The following ATP1A2 variants were observed in gnomAD, a reference collection of about 807,000 sequenced individuals.
The protein encoded by ATP1A2 is sodium/potassium-transporting ATPase subunit alpha-2.
Under a neutral mutation model 113.1 loss-of-function variants are expected in ATP1A2, and 56 were observed. The observed-to-expected ratio is 0.49, with a 90% CI of 0.40 to 0.62. The LOEUF (loss-of-function observed/expected upper bound fraction) is 0.62, where lower values mean the gene tolerates loss of function less well. ATP1A2 is among the 20% of genes least tolerant of loss of function. ATP1A2 has a pLI of 0.00. For missense variants in ATP1A2, 712 were observed against 1,357.8 expected, an observed-to-expected ratio of 0.52 and a Z score of 7.47; for synonymous variants, 490 against 526.8, an observed-to-expected ratio of 0.93 and a Z score of 0.96.
At chr1:160,140,932 G>T (rs906674449) in intron 22 of ATP1A2, among the ~76,000 whole-genome samples, 1 of 137,406 alleles carries the variant, frequency 7.3e-6, no homozygotes, top group Admixed American at 8.5e-5. Context: ...GCACGATCTC[G>T]GCTCACTGCA....
intron 1 of ATP1A2, 51 bp from the exon 2 acceptor site, chr1:160,120,854 AG>A (rs1385454206): frequency 1.3e-6 from 2 of 1,532,670 alleles, no homozygotes; most frequent in Non-Finnish European, 1.8e-6. Flanking sequence ...GTGGGAATGG[AG>A]GCCCCAGCCC....
chr1:160,122,018 C>T (rs1005339740), intron 3 of ATP1A2, among the ~76,000 whole-genome samples: 4 of 152,086 alleles, frequency 2.6e-5, no homozygotes, highest in African/African-American at 9.7e-5. Context: ...TGTAATCCCA[C>T]CTACTCGAGA....
chr1:160,134,190 C>T, intron 13 of ATP1A2, among the ~76,000 whole-genome samples: 1 of 146,098 alleles, frequency 6.8e-6, no homozygotes, highest in South Asian at 2.2e-4. Context: ...TTCCCTCTCA[C>T]ACACACACAC....
intron 4 of ATP1A2, 60 bp from the exon 5 acceptor site, chr1:160,123,883 C>A: frequency 6.7e-7 from 1 of 1,495,014 alleles, no homozygotes; most frequent in South Asian, 1.1e-5. Context: ...TCCCAAGTGG[C>A]AGCTGCCCCT....
In ATP1A2 at chr1:160,139,750, C is replaced by T. The variant is rs1652072843; in HGVS notation, c.2942+9C>T. The T allele has an allele frequency of 6.2e-7, 1 of 1,614,094 alleles. No individual in the cohort carries two copies. Among genetic ancestry groups the T allele is most frequent in the Admixed American group, 1.7e-5 (1 of 60,010 alleles). ...CGCATGTACCCGCTCAAGTGAGTGTCTCTTTCGGGCGGCCTGAGTAGTCAT... is the reference window on the plus strand; with the variant it reads ...CGCATGTACCCGCTCAAGTGAGTGTTTCTTTCGGGCGGCCTGAGTAGTCAT... On this transcript the variant is annotated intron_variant, in intron 21 of 22. Transcript: ENST00000361216.
rs2102000064 is a variant in ATP1A2, at chr1:160,141,339, A to G, written c.*17A>G. 2.5e-6 allele frequency: 4 copies of G among 1,613,940 alleles called. No homozygotes were observed. The Admixed American group carries it at 5.0e-5, about 20-fold the overall frequency. ...TACTACTGACCCCATTGGAAGAAGA[A>G]CCAGGCATGGAAAGATGGGGAGCTC... On this transcript the variant is annotated 3_prime_UTR_variant, in exon 23 of 23. Transcript: ENST00000361216.
In ATP1A2 at chr1:160,135,376, G is replaced by A. The variant is rs1233075486; in HGVS notation, c.2116-58G>A. 1.9e-6 allele frequency: 3 copies of A among 1,614,074 alleles called. No individual in the cohort carries two copies. The highest frequency in any genetic ancestry group is 1.7e-5 in the Admixed American group (1 of 60,004). ...GGCCAAGACAAGCATGGAGTGAGAG[G>A]CGAGGAGCCAGGCTTGGGAAGGGGT... On this transcript the variant is annotated intron_variant, in intron 15 of 22. Transcript: ENST00000361216. This position sits in a 1 kb window ranked among gnomAD's most constrained non-coding sequence, Gnocchi z 6.3.
At chr1:160,131,644 G>T (rs1377315184) in intron 13 of ATP1A2, among the ~76,000 whole-genome samples, 3 of 152,032 alleles carry the variant, frequency 2.0e-5, no homozygotes, top group Admixed American at 2.0e-4. Flanking sequence ...TGGCCAACAT[G>T]GTGAAACCCC....
Position 160,121,226 on chromosome 1 carries a change from G to T in ATP1A2, c.152G>T (p.Arg51Leu), listed in dbSNP as rs144106169. ...AAGCTGTCCTTGGATGAGCTGGGCC[G>T]CAAATACCAAGTGGACCTGTCCAAG... Reference protein sequence around the residue: ...DHKLSLDELGRKYQVDLSKGL... With the variant: ...DHKLSLDELGLKYQVDLSKGL... The change falls in exon 3 of 23, where the codon CGC becomes CTC. Residue 51 changes from arginine (R) to leucine (L), a missense_variant. Arg to Leu is a moderately radical substitution (Grantham distance 102). This residue lies in a region of ATP1A2 where 109 missense variants were observed against 162.3 expected (regional missense o/e 0.67). Coordinates refer to ENST00000361216, the MANE Select transcript of ATP1A2 (RefSeq NM_000702.4). 5 of 1,614,104 alleles carry T rather than the reference G, an allele frequency of 3.1e-6. No individual in the cohort carries two copies. Among genetic ancestry groups the T allele is most frequent in the African/African-American group, 2.7e-5 (2 of 74,940 alleles).
In ATP1A2 at chr1:160,141,725, C is replaced by T; in HGVS notation, c.*403C>T. ...GGAAGCCCTCTCAGATCACCCCAGC[C>T]TCACTCCATTTCCCACTTCCACCCC... On this transcript the variant is annotated 3_prime_UTR_variant, in exon 23 of 23. Coordinates refer to ENST00000361216, the MANE Select transcript of ATP1A2 (RefSeq NM_000702.4). 3.5e-6 allele frequency: 1 copy of T among 281,776 alleles called. No individual in the cohort carries two copies. Among genetic ancestry groups the T allele is most frequent in the South Asian group, 4.2e-5 (1 of 23,784 alleles). 17.5% of individuals were successfully genotyped at this position (281,776 alleles called of 1,614,324 possible). A position where few individuals can be genotyped will look rare whatever the true frequency, so the allele number is the denominator to read the frequency against.
intron 17 of ATP1A2, 83 bp from the exon 18 acceptor site, chr1:160,136,164 C>A: frequency 6.2e-7 from 1 of 1,605,696 alleles, no homozygotes; most frequent in Non-Finnish European, 8.5e-7. Context: ...TGTCAACGAT[C>A]GTCACTGTCG....
intron 7 of ATP1A2, among the ~76,000 whole-genome samples, chr1:160,126,283 G>A (rs1017692032): frequency 3.3e-5 from 5 of 152,046 alleles, no homozygotes; most frequent in East Asian, 3.8e-4. Context: ...TTATAATACC[G>A]AGTGCAATGT....
chr1:160,130,604 G>T lies in ATP1A2; in HGVS notation c.1827+7G>T, dbSNP rs1430046474. ...CCGAAGCGCAGGCATCAAGGTACTGGCCTCCCATCCTCCCCTCCATTCTAG... is the reference window on the plus strand; with the variant it reads ...CCGAAGCGCAGGCATCAAGGTACTGTCCTCCCATCCTCCCCTCCATTCTAG... On this transcript the variant is annotated splice_region_variant and intron_variant, in intron 13 of 22. Transcript: ENST00000361216. The T allele has an allele frequency of 6.2e-7, 1 of 1,614,088 alleles. No individual in the cohort carries two copies.
intron 1 of ATP1A2, among the ~76,000 whole-genome samples, chr1:160,118,169 C>A (rs1441818607): frequency 6.6e-6 from 1 of 152,248 alleles, no homozygotes; most frequent in Non-Finnish European, 1.5e-5. Flanking sequence ...CTTAGCTCAG[C>A]CACAATCCAG....
At position 160,141,396 on chromosome 1, in the gene ATP1A2, G is replaced by A. The variant is rs769301505; in HGVS notation, c.*74G>A. 164 of 1,589,510 alleles carry A rather than the reference G, an allele frequency of 1.0e-4. No homozygotes were observed. In the Middle Eastern group the frequency reaches 1.7e-3, roughly 16 times the overall value. ...TGTTGTGGGGATGGTGATGGAGAGG[G>A]ATGGAAATAACGGGTGGCATTGGGT... On this transcript the variant is annotated 3_prime_UTR_variant, in exon 23 of 23. Transcript: ENST00000361216.
chr1:160,120,046 T>C (rs759607268), intron 1 of ATP1A2, among the ~76,000 whole-genome samples: 3 of 151,848 alleles, frequency 2.0e-5, no homozygotes, highest in Non-Finnish European at 4.4e-5. Context: ...GCCATCTGAT[T>C]CACCAGATGA....
Position 160,130,109 on chromosome 1 carries a change from T to C in ATP1A2, c.1469T>C (p.Ile490Thr). 1 of 1,614,174 alleles carries C rather than the reference T, an allele frequency of 6.2e-7. No individual in the cohort carries two copies. Among genetic ancestry groups the C allele is most frequent in the Non-Finnish European group, 8.5e-7 (1 of 1,180,036 alleles). The change falls in exon 12 of 23, where the codon ATC becomes ACC. Residue 490 changes from isoleucine to threonine, a missense_variant. Ile to Thr is a moderately conservative substitution (Grantham distance 89). Around this residue, in one of 6 missense-constraint regions of ATP1A2, gnomAD observed 263 missense variants for 380.6 expected, o/e 0.69. Coordinates refer to ENST00000361216, the MANE Select transcript of ATP1A2 (RefSeq NM_000702.4). The part of the protein sequence containing the change: ...FNSTNKYQLS[I>T]HEREDSPQSH... ...TACCTGTTGTCTCTCCAGCTGTCTA[T>C]CCACGAGCGAGAAGACAGCCCCCAG...
At chr1:160,136,105 G>C in intron 17 of ATP1A2, 112 bp downstream of exon 17, 2 of 1,601,736 alleles carry the variant, frequency 1.2e-6, no homozygotes, top group Non-Finnish European at 1.7e-6. Context: ...ACAGGAGACA[G>C]GCACAGGCCT....
At chr1:160,122,116 A>G (rs2101984590) in intron 3 of ATP1A2, among the ~76,000 whole-genome samples, 1 of 152,344 alleles carries the variant, frequency 6.6e-6, no homozygotes, top group Admixed American at 6.5e-5. Flanking sequence ...TGGGCGATAG[A>G]GTGAGACTCC....
Sources: gnomAD v4.1 joint callset for allele counts (sites outside exome capture counted in the v4.1 genomes callset) on GRCh38, gnomAD v4.1.1 for gene constraint, gnomAD v4.1.1 regional missense constraint, Gnocchi (gnomAD v3.1) non-coding constraint, MANE v1.5 for transcripts, NCBI Gene and HGNC (gene_info 2026-07-23, HGNC 2026-07-21) for gene names.